ZDHHC7: variants seen among roughly 807,000 people sequenced by gnomAD.
ZDHHC7 encodes palmitoyltransferase ZDHHC7.
A neutral mutation model predicts 34.1 loss-of-function variants in ZDHHC7; 12 were observed. The observed-to-expected ratio is 0.35, with a 90% confidence interval of 0.23 to 0.57. ZDHHC7 has a LOEUF of 0.57. Among genes scored for constraint, ZDHHC7 ranks in the 20% least tolerant of loss-of-function variants. ZDHHC7 has a pLI of 0.84. For missense variants in ZDHHC7, 388 were observed against 402.7 expected (o/e 0.96, Z 0.31); for synonymous variants, 185 against 155.4 (o/e 1.19, Z -1.42).
chr16:84,993,698 T>C (rs1056684515), intron 2 of ZDHHC7, among the ~76,000 whole-genome samples: 4 of 152,140 alleles, frequency 2.6e-5, no homozygotes, highest in African/African-American at 7.2e-5. Context: ...TTGAGTGAAA[T>C]AGAAAAAACT....
chr16:84,974,838 G>C lies in ZDHHC7; in HGVS notation c.*1505C>G, dbSNP rs974023468. On this transcript the variant is annotated 3_prime_UTR_variant, in exon 8 of 8. Coordinates refer to ENST00000313732, the MANE Select transcript of ZDHHC7 (RefSeq NM_017740.3). ...TCGCTTGGCTAGGACGGTGGCTCAGGTAGGTCCCTTTGTGGTTTTGCATCA... is the reference window on the plus strand; with the variant it reads ...TCGCTTGGCTAGGACGGTGGCTCAGCTAGGTCCCTTTGTGGTTTTGCATCA... 6.5e-6 allele frequency: 1 copy of C among 152,692 alleles called. No homozygotes were observed. The highest frequency in any genetic ancestry group is 2.4e-5 in the African/African-American group (1 of 41,418). The allele number at this position is 152,692 out of a possible 1,614,324, so 9.5% of individuals were successfully genotyped here.
the ZDHHC7 span, among the ~76,000 whole-genome samples, chr16:85,025,543 G>GCA: frequency 6.6e-6 from 1 of 152,126 alleles, no homozygotes; most frequent in Non-Finnish European, 1.5e-5. Context: ...CCGAGTAGCT[G>GCA]GGACTACAGG....
At chr16:85,007,653 A>G (rs9929372) in intron 1 of ZDHHC7, among the ~76,000 whole-genome samples, 25,362 of 151,902 alleles carry the variant, frequency 0.17, 2,255 homozygotes, top group Middle Eastern at 0.21. Context: ...TCAGAGGCAA[A>G]GCAGAAGAAA....
At chr16:84,981,766 CGGGGG>C (rs756198279) in intron 4 of ZDHHC7, 99 bp downstream of exon 4, 293 of 1,586,806 alleles carry the variant, frequency 1.8e-4, no homozygotes, top group Non-Finnish European at 2.4e-4. Context: ...CCCAGATGCT[CGGGGG>C]CCATGTACCT....
chr16:84,988,684 G>A (rs1338368534), intron 3 of ZDHHC7: 11 of 1,278,934 alleles, frequency 8.6e-6, no homozygotes, highest in South Asian at 7.7e-5. Context: ...GGGCAAGTGC[G>A]CTTGTCAGCA....
At chr16:85,010,699 A>G (rs1159933581) in intron 1 of ZDHHC7, among the ~76,000 whole-genome samples, 1 of 152,208 alleles carries the variant, frequency 6.6e-6, no homozygotes, top group Non-Finnish European at 1.5e-5. Context: ...TGAGTGTGAC[A>G]AAGTTGTAGA....
chr16:84,988,823 C>G (rs2143629431), intron 3 of ZDHHC7: 1 of 1,551,782 alleles, frequency 6.4e-7, no homozygotes, highest in African/African-American at 1.4e-5. Context: ...GGGTTGGGTC[C>G]AGCCCAGTTT....
At chr16:85,022,300 C>T in the ZDHHC7 span, among the ~76,000 whole-genome samples, 3 of 151,984 alleles carry the variant, frequency 2.0e-5, no homozygotes, top group Non-Finnish European at 4.4e-5. Context: ...GCGGTTGGAT[C>T]ACTTGGGGTC....
At chr16:84,993,199 T>C (rs1266910099) in intron 2 of ZDHHC7, among the ~76,000 whole-genome samples, 1 of 152,000 alleles carries the variant, frequency 6.6e-6, no homozygotes, top group Non-Finnish European at 1.5e-5. Context: ...CTTGCGCTTA[T>C]AGTCCCCCCT....
In ZDHHC7 at chr16:84,990,601, G is replaced by A. The variant is rs749549132; in HGVS notation, c.18C>T (p.His6=). MQPSG[H]RLRDVEHHPL... ...GATGATGCTCGACGTCCCGGAGCCT[G>A]TGTCCTGATGGCTGCATGATTTCCC... Residue 6 remains histidine (H), a synonymous_variant, in exon 3 of 8, where the codon CAC becomes CAT. Transcript: ENST00000313732. 2 of 1,613,694 alleles carry A rather than the reference G, an allele frequency of 1.2e-6. No homozygotes were observed. Among genetic ancestry groups the A allele is most frequent in the Non-Finnish European group, 1.7e-6 (2 of 1,179,850 alleles).
At chr16:84,993,408 G>C (rs543865394) in intron 2 of ZDHHC7, among the ~76,000 whole-genome samples, 4 of 152,082 alleles carry the variant, frequency 2.6e-5, no homozygotes, top group Non-Finnish European at 4.4e-5. Context: ...AAGGTGGGAG[G>C]ATCTCTTGAG....
intron 2 of ZDHHC7, 109 bp from the exon 3 acceptor site, chr16:84,990,744 T>C: frequency 1.2e-6 from 1 of 825,484 alleles, no homozygotes; most frequent in Non-Finnish European, 1.9e-6. Flanking sequence ...TTAGTCTAAA[T>C]ACACATAGTG....
the ZDHHC7 span, among the ~76,000 whole-genome samples, chr16:85,027,531 C>T: frequency 6.6e-6 from 1 of 152,218 alleles, no homozygotes; most frequent in Non-Finnish European, 1.5e-5. Flanking sequence ...CCCACTCCTC[C>T]CAGAGTCCGA....
At chr16:84,985,570 GATTA>G (rs2072425709) in intron 3 of ZDHHC7, among the ~76,000 whole-genome samples, 3 of 152,182 alleles carry the variant, frequency 2.0e-5, no homozygotes, top group African/African-American at 7.2e-5. Context: ...GGACCAGAGA[GATTA>G]ATTAAAAGAG....
chr16:85,007,814 G>A (rs1419441266), intron 1 of ZDHHC7, among the ~76,000 whole-genome samples: 2 of 152,070 alleles, frequency 1.3e-5, no homozygotes, highest in African/African-American at 2.4e-5. Context: ...AGTAGGAAGG[G>A]ACCAGGAAAG....
chr16:84,978,603 C>T (rs950492477), intron 5 of ZDHHC7, among the ~76,000 whole-genome samples: 3 of 151,998 alleles, frequency 2.0e-5, no homozygotes, highest in African/African-American at 7.3e-5. Flanking sequence ...TGGCTCACGA[C>T]TGTAATCCTA....
intron 1 of ZDHHC7, among the ~76,000 whole-genome samples, chr16:84,999,511 T>A (rs2072626395): frequency 6.6e-6 from 1 of 152,196 alleles, no homozygotes; most frequent in Non-Finnish European, 1.5e-5. Context: ...TGTATTCATA[T>A]AATGGCATAC....
intron 1 of ZDHHC7, among the ~76,000 whole-genome samples, chr16:85,009,858 A>G (rs953688589): frequency 6.6e-6 from 1 of 151,282 alleles, no homozygotes; most frequent in Admixed American, 6.6e-5. Context: ...ACAGGCGCCC[A>G]CCACCATGCC....
In ZDHHC7 at chr16:84,974,950, TCCCAGGAGGGAGACG is replaced by T. The variant is rs1353132039; in HGVS notation, c.*1378_*1392del. 1 of 152,598 alleles carries T rather than the reference TCCCAGGAGGGAGACG, an allele frequency of 6.6e-6. No homozygotes were observed. The highest frequency in any genetic ancestry group is 1.5e-5 in the Non-Finnish European group (1 of 68,060). 9.5% of individuals were successfully genotyped at this position (152,598 alleles called of 1,614,324 possible). ...CAGATGAACAGAAAGGCAAAACAAT[TCCCAGGAGGGAGACG>T]CCAACTTCTCTTAGTGTGGAGGGCA... On this transcript the variant is annotated 3_prime_UTR_variant, in exon 8 of 8. Coordinates refer to ENST00000313732, the MANE Select transcript of ZDHHC7 (RefSeq NM_017740.3).
Sources: gnomAD v4.1 joint callset for allele counts (sites outside exome capture counted in the v4.1 genomes callset) on GRCh38, gnomAD v4.1.1 for gene constraint, MANE v1.5 for transcripts, NCBI Gene and HGNC (gene_info 2026-07-23, HGNC 2026-07-21) for gene names.